GALNT17: variants seen among roughly 807,000 people sequenced by gnomAD.
GALNT17 encodes the protein UDP-GalNAc:polypeptide N-acetylgalactosaminyltransferase-like 3.
In GALNT17, 29 loss-of-function variants were observed where a neutral mutation model predicts 63.7. The ratio of observed to expected loss-of-function variants is 0.46; its 90% CI spans 0.34 to 0.62. The LOEUF is 0.62. Ranked by LOEUF, GALNT17 falls within the 20% of genes least tolerant of loss-of-function variation. GALNT17 has a pLI of 0.01. For missense variants in GALNT17, 603 were observed against 799.6 expected, an observed-to-expected ratio of 0.75 and a Z score of 2.97; for synonymous variants, 305 against 318.3, an observed-to-expected ratio of 0.96 and a Z score of 0.45.
chr7:71,530,863 C>T (rs555304714), intron 5 of GALNT17, among the ~76,000 whole-genome samples: 7 of 152,196 alleles, frequency 4.6e-5, no homozygotes, highest in South Asian at 4.1e-4. Context: ...CCACCATGCC[C>T]GGCCAAGAAT....
chr7:71,284,047 C>G (rs917019200), intron 1 of GALNT17: 1 of 152,280 alleles, frequency 6.6e-6, no homozygotes, highest in African/African-American at 2.4e-5. Context: ...CAGGGAAGCC[C>G]GCAGCTGCAA....
intron 1 of GALNT17, among the ~76,000 whole-genome samples, chr7:71,267,568 G>A (rs960820609): frequency 2.6e-5 from 4 of 152,196 alleles, no homozygotes; most frequent in East Asian, 1.9e-4. Context: ...CATCCATTTC[G>A]GTAAATATCT....
At chr7:71,414,686 C>G (rs938516898) in intron 3 of GALNT17, among the ~76,000 whole-genome samples, 3 of 152,308 alleles carry the variant, frequency 2.0e-5, no homozygotes, top group Middle Eastern at 3.4e-3. Context: ...TTGCAGGTCA[C>G]GTGGCAGCTA....
At chr7:71,264,354 G>A (rs1267757424) in intron 1 of GALNT17, among the ~76,000 whole-genome samples, 5 of 152,170 alleles carry the variant, frequency 3.3e-5, no homozygotes, top group Admixed American at 3.3e-4. Flanking sequence ...TCTTATATAG[G>A]CAGATACATT....
intron 5 of GALNT17, among the ~76,000 whole-genome samples, chr7:71,492,846 A>G (rs576539329): frequency 6.6e-6 from 1 of 152,212 alleles, no homozygotes; most frequent in African/African-American, 2.4e-5. Flanking sequence ...AGTGACCTGG[A>G]TGGAGAGTTT....
At chr7:71,173,502 G>A (rs911206459) in intron 1 of GALNT17, among the ~76,000 whole-genome samples, 3 of 152,206 alleles carry the variant, frequency 2.0e-5, no homozygotes, top group Admixed American at 6.5e-5. Context: ...ATGGTCGGGT[G>A]TGGTTCATGT....
At position 71,366,263 on chromosome 7, in the gene GALNT17, G is replaced by A. The variant is rs1792505570; in HGVS notation, c.423-21972G>A. Among the ~76,000 whole-genome samples the A allele has an allele frequency of 3.3e-5, 5 of 151,988 alleles. No homozygotes were observed. In the South Asian group the frequency reaches 1.0e-3, roughly 32 times the overall value. On this transcript the variant is annotated intron_variant, in intron 2 of 10. Coordinates refer to ENST00000333538, the MANE Select transcript of GALNT17 (RefSeq NM_022479.3). ...TATTGTTCCGAGGCCTAGGGGTTGG[G>A]GACCTGTGATCTAGGTGTATACATA... is the stretch of plus-strand genomic sequence containing the variant.
intron 5 of GALNT17, among the ~76,000 whole-genome samples, chr7:71,499,889 C>G (rs1223217438): frequency 6.6e-6 from 1 of 152,170 alleles, no homozygotes; most frequent in East Asian, 1.9e-4. Flanking sequence ...TACCCCCATG[C>G]TGCTGTTCTC....
chr7:71,153,688 C>T lies in GALNT17; in HGVS notation c.238+20648C>T, dbSNP rs575369235. On this transcript the variant is annotated intron_variant, in intron 1 of 10. Coordinates refer to ENST00000333538, the MANE Select transcript of GALNT17 (RefSeq NM_022479.3). ...TTCCAGCACTGTGGGAGGCCGAGGCCGGTGGATCATTTGAGGTCAGGAGTT... is the reference window on the plus strand; with the variant it reads ...TTCCAGCACTGTGGGAGGCCGAGGCTGGTGGATCATTTGAGGTCAGGAGTT... 2.2e-4 allele frequency among the ~76,000 whole-genome samples: 33 copies of T among 152,014 alleles called. No homozygotes were observed. The South Asian group carries it at 6.0e-3, about 28-fold the overall frequency.
At chr7:71,148,119 G>A (rs1440353682) in intron 1 of GALNT17, among the ~76,000 whole-genome samples, 1 of 152,120 alleles carries the variant, frequency 6.6e-6, no homozygotes, top group Non-Finnish European at 1.5e-5. Context: ...AAGAGAATGG[G>A]TTTCATTCAT....
At chr7:71,567,758 C>T (rs1382878050) in intron 5 of GALNT17, among the ~76,000 whole-genome samples, 1 of 152,186 alleles carries the variant, frequency 6.6e-6, no homozygotes, top group East Asian at 1.9e-4. Flanking sequence ...CCACCGCACC[C>T]AGCCCCTTGT....
At chr7:71,201,739 C>T (rs987736605) in intron 1 of GALNT17, among the ~76,000 whole-genome samples, 2 of 151,594 alleles carry the variant, frequency 1.3e-5, no homozygotes, top group Non-Finnish European at 2.9e-5. Flanking sequence ...TCAAGCAATT[C>T]GCCTCCCTCA....
chr7:71,387,982 A>G (rs901678468), intron 2 of GALNT17, among the ~76,000 whole-genome samples: 2 of 152,176 alleles, frequency 1.3e-5, no homozygotes, highest in African/African-American at 4.8e-5. Context: ...GGTTCCTGCT[A>G]TCACAGAGCT....
intron 1 of GALNT17, among the ~76,000 whole-genome samples, chr7:71,167,546 T>C (rs1053662177): frequency 1.3e-5 from 2 of 152,216 alleles, no homozygotes; most frequent in Non-Finnish European, 2.9e-5. Flanking sequence ...GTGTGCCTTG[T>C]CTTCTTATTC....
At chr7:71,500,248 A>G (rs947995732) in intron 5 of GALNT17, among the ~76,000 whole-genome samples, 2 of 152,090 alleles carry the variant, frequency 1.3e-5, no homozygotes, top group African/African-American at 2.4e-5. Context: ...ATGACTATTA[A>G]TGTCTATTCT....
intron 2 of GALNT17, 28 bp downstream of exon 2, chr7:71,335,761 G>A: frequency 6.4e-7 from 1 of 1,561,964 alleles, no homozygotes; most frequent in Non-Finnish European, 8.7e-7. Context: ...CATTTGCGGA[G>A]CTTGATGGGT....
intron 2 of GALNT17, among the ~76,000 whole-genome samples, chr7:71,351,462 ATTAG>A (rs1458229881): frequency 6.6e-6 from 1 of 152,040 alleles, no homozygotes; most frequent in African/African-American, 2.4e-5. Flanking sequence ...TGCAGATGTA[ATTAG>A]TTAAAGTGAG....
rs182625782 is a variant in GALNT17, at chr7:71,247,495, G to A, written c.239-88055G>A. Among the ~76,000 whole-genome samples the A allele has an allele frequency of 1.6e-4, 25 of 151,706 alleles. No homozygotes were observed. The East Asian group carries it at 4.5e-3, about 27-fold the overall frequency. On this transcript the variant is annotated intron_variant, in intron 1 of 10. Transcript: ENST00000333538. ...TTTTGAGATGGAGTCTTTTTCTGTC[G>A]CTCCCACTGACAGTGCAGTGGCGCA...
intron 5 of GALNT17, among the ~76,000 whole-genome samples, chr7:71,507,138 G>T (rs551704513): frequency 6.6e-6 from 1 of 152,272 alleles, no homozygotes; most frequent in South Asian, 2.1e-4. Context: ...GGAAGCTGAG[G>T]CAAGAGGATC....
Sources: allele counts gnomAD v4.1 joint callset (sites outside exome capture counted in the v4.1 genomes callset), GRCh38; gene constraint gnomAD v4.1.1; transcripts MANE v1.5; gene names NCBI Gene and HGNC (gene_info 2026-07-23, HGNC 2026-07-21).